TARP: variants seen among roughly 807,000 people sequenced by gnomAD.
At chr7:38,270,635 T>C in the TARP span, among the ~76,000 whole-genome samples, 9 of 151,644 alleles carry the variant, frequency 5.9e-5, no homozygotes, top group Admixed American at 6.0e-4. Flanking sequence ...GCTTTACCCT[T>C]CAAGGCAGAA....
At chr7:38,272,993 G>A in the TARP span, among the ~76,000 whole-genome samples, 4 of 150,758 alleles carry the variant, frequency 2.7e-5, no homozygotes, top group Non-Finnish European at 4.4e-5. Flanking sequence ...TTTCATTTCA[G>A]TGGATCTAAC....
chr7:38,261,173 G>A, the TARP span, among the ~76,000 whole-genome samples: 1 of 151,606 alleles, frequency 6.6e-6, no homozygotes, highest in African/African-American at 2.4e-5. Flanking sequence ...CAAAGCCCAT[G>A]CACCCACCCA....
chr7:38,262,074 G>T, the TARP span: 1 of 1,015,170 alleles, frequency 9.9e-7, no homozygotes, highest in Non-Finnish European at 1.6e-6. Flanking sequence ...GGTCCATTCT[G>T]CAGCATCCAA....
At chr7:38,261,908 A>C in the TARP span, among the ~76,000 whole-genome samples, 1 of 150,812 alleles carries the variant, frequency 6.6e-6, no homozygotes, top group Non-Finnish European at 1.5e-5. Context: ...GAAAAAAGAC[A>C]CATGAATGAA....
At chr7:38,265,499 T>C in the TARP span, 1 of 1,612,202 alleles carries the variant, frequency 6.2e-7, no homozygotes, top group Non-Finnish European at 8.5e-7. Flanking sequence ...TTCATGGTGT[T>C]CCCCTCCTGG....
chr7:38,266,014 C>A, the TARP span, among the ~76,000 whole-genome samples: 1 of 151,184 alleles, frequency 6.6e-6, no homozygotes, highest in Non-Finnish European at 1.5e-5. Context: ...AGTTCATGAG[C>A]ATATTTATTT....
the TARP span, chr7:38,262,030 C>T: frequency 4.1e-6 from 3 of 735,262 alleles, no homozygotes; most frequent in African/African-American, 3.5e-5. Flanking sequence ...AATACAACTC[C>T]TAGAAAATGA....
the TARP span, among the ~76,000 whole-genome samples, chr7:38,261,958 T>G: frequency 5.8e-4 from 87 of 151,128 alleles, no homozygotes; most frequent in African/African-American, 1.9e-3. Flanking sequence ...CATATCACTA[T>G]ACCACTGTAC....
At chr7:38,267,791 G>T in the TARP span, among the ~76,000 whole-genome samples, 1 of 151,048 alleles carries the variant, frequency 6.6e-6, no homozygotes, top group Non-Finnish European at 1.5e-5. Context: ...GTAGTCTCTA[G>T]TCAATATATT....
chr7:38,265,273 A>G, the TARP span: 5 of 1,109,034 alleles, frequency 4.5e-6, no homozygotes, highest in Non-Finnish European at 2.6e-6. Context: ...TTTGTTTTTC[A>G]TTAATACTGA....
the TARP span, among the ~76,000 whole-genome samples, chr7:38,272,606 A>T: frequency 6.7e-6 from 1 of 148,530 alleles, no homozygotes; most frequent in Non-Finnish European, 1.5e-5. Context: ...TCAAATTATA[A>T]TTTTTTGTTT....
chr7:38,262,589 C>CA, the TARP span, among the ~76,000 whole-genome samples: 3 of 151,678 alleles, frequency 2.0e-5, no homozygotes, highest in African/African-American at 7.3e-5. Context: ...GGCTGCTTTA[C>CA]AGCCTTCAAC....
the TARP span, chr7:38,260,252 C>T: frequency 1.5e-6 from 2 of 1,315,322 alleles, no homozygotes; most frequent in Non-Finnish European, 1.0e-6. Flanking sequence ...TGCACATGTT[C>T]TTTTTACAGA....
chr7:38,268,866 A>C, the TARP span, among the ~76,000 whole-genome samples: 1 of 151,338 alleles, frequency 6.6e-6, no homozygotes, highest in South Asian at 2.1e-4. Context: ...TCTCCATAGT[A>C]GATCCCATTG....
At chr7:38,269,821 C>T in the TARP span, among the ~76,000 whole-genome samples, 1 of 151,956 alleles carries the variant, frequency 6.6e-6, no homozygotes, top group South Asian at 2.1e-4. Flanking sequence ...GTTATAGGTC[C>T]CAGTGCAGTG....
the TARP span, among the ~76,000 whole-genome samples, chr7:38,272,866 CT>C: frequency 1.3e-5 from 2 of 151,100 alleles, no homozygotes; most frequent in African/African-American, 4.9e-5. Flanking sequence ...CGGAAGGTCA[CT>C]TTTTAACTTA....
At chr7:38,272,766 G>T in the TARP span, among the ~76,000 whole-genome samples, 3 of 149,994 alleles carry the variant, frequency 2.0e-5, no homozygotes, top group Non-Finnish European at 4.4e-5. Context: ...TTCTTGCACC[G>T]CACTTTCCTG....
chr7:38,271,743 G>A, the TARP span, among the ~76,000 whole-genome samples: 6 of 151,338 alleles, frequency 4.0e-5, no homozygotes, highest in African/African-American at 1.5e-4. Context: ...TTCCAAAGTG[G>A]ACGCTTTGAC....
the TARP span, among the ~76,000 whole-genome samples, chr7:38,264,831 T>TA: frequency 6.6e-6 from 1 of 151,754 alleles, no homozygotes; most frequent in Non-Finnish European, 1.5e-5. Context: ...TGTTTTTAGA[T>TA]AAACATCATT....
Sources: allele counts gnomAD v4.1 joint callset (sites outside exome capture counted in the v4.1 genomes callset), GRCh38; gene constraint gnomAD v4.1.1; transcripts MANE v1.5.